SPATA13: variants seen among roughly 807,000 people sequenced by gnomAD.
SPATA13 encodes the protein spermatogenesis-associated protein 13.
In SPATA13, 50 loss-of-function variants were observed where a neutral mutation model predicts 104.0. The observed-to-expected ratio is 0.48, with a 90% CI of 0.38 to 0.61. The LOEUF is 0.61. Ranked by LOEUF, SPATA13 falls within the 20% of genes least tolerant of loss-of-function variation. The pLI is 0.00. For missense variants in SPATA13, 1,524 were observed against 1,690.6 expected, an observed-to-expected ratio of 0.90 and a Z score of 1.73; for synonymous variants, 606 against 667.5, an observed-to-expected ratio of 0.91 and a Z score of 1.42.
intron 1 of SPATA13, among the ~76,000 whole-genome samples, chr13:24,209,625 G>C (rs767338953): frequency 6.6e-6 from 1 of 152,162 alleles, no homozygotes; most frequent in East Asian, 1.9e-4. Flanking sequence ...ATAGTACTCC[G>C]TTGTGTGTGT....
At chr13:24,221,163 T>TCCCCACA (rs1871565376) in intron 1 of SPATA13, among the ~76,000 whole-genome samples, 3 of 152,272 alleles carry the variant, frequency 2.0e-5, no homozygotes, top group Admixed American at 1.3e-4. Flanking sequence ...GAGAAGAGTG[T>TCCCCACA]GGGCTTTGTG....
chr13:24,147,107 G>T (rs1881957483), intron 3 of SPATA13, among the ~76,000 whole-genome samples: 1 of 152,024 alleles, frequency 6.6e-6, no homozygotes, highest in African/African-American at 2.4e-5. Flanking sequence ...ATATCTGATT[G>T]TTCAGATAAT....
chr13:24,050,411 T>C (rs533060071), intron 3 of SPATA13, among the ~76,000 whole-genome samples: 1 of 152,262 alleles, frequency 6.6e-6, no homozygotes, highest in Non-Finnish European at 1.5e-5. Context: ...ATCCTTGTTA[T>C]AAGAGGAGAG....
chr13:24,191,299 C>T (rs2138550828), intron 1 of SPATA13, among the ~76,000 whole-genome samples: 1 of 152,026 alleles, frequency 6.6e-6, no homozygotes, highest in East Asian at 1.9e-4. Flanking sequence ...AATGTATGTA[C>T]ATTTTTTTCA....
intron 3 of SPATA13, among the ~76,000 whole-genome samples, chr13:24,120,630 GT>G (rs1881003957): frequency 6.6e-6 from 1 of 152,182 alleles, no homozygotes; most frequent in Non-Finnish European, 1.5e-5. Flanking sequence ...GTATTATCCA[GT>G]TCCTGGGTTC....
intron 2 of SPATA13, among the ~76,000 whole-genome samples, chr13:24,009,052 G>T (rs1393740329): frequency 6.6e-6 from 1 of 152,150 alleles, no homozygotes; most frequent in Non-Finnish European, 1.5e-5. Flanking sequence ...CATCACGTGG[G>T]GTAGGTCTCT....
chr13:24,224,769 C>T, intron 2 of SPATA13, 187 bp downstream of exon 2: 1 of 682,106 alleles, frequency 1.5e-6, no homozygotes, highest in East Asian at 2.8e-5. Context: ...TAATCTCTAT[C>T]TCCTTTGAAA....
intron 3 of SPATA13, among the ~76,000 whole-genome samples, chr13:24,154,547 G>A (rs1242033757): frequency 6.6e-6 from 1 of 152,132 alleles, no homozygotes; most frequent in Non-Finnish European, 1.5e-5. Context: ...GGCACATAAG[G>A]GAGTCTTTTG....
At position 24,249,720 on chromosome 13, in the gene SPATA13, G is replaced by T. The variant is rs1211751374; in HGVS notation, c.1897G>T (p.Asp633Tyr). The T allele has an allele frequency of 1.2e-6, 2 of 1,613,746 alleles. No homozygotes were observed. The highest frequency in any genetic ancestry group is 1.7e-6 in the Non-Finnish European group (2 of 1,179,920). The change falls in exon 3 of 13, where the codon GAC becomes TAC. Residue 633 changes from aspartate (D) to tyrosine (Y), a missense_variant. Physicochemically the swap from Asp to Tyr is radical, Grantham distance 160. Around this residue, in one of 2 missense-constraint regions of SPATA13, gnomAD observed 1,089 missense variants for 1,135.9 expected, o/e 0.96. Transcript: ENST00000382108. ...AAGCATGACTTCTGCCAGCCCTGAA[G>T]ACCAGAATGCTCCAGTGGGCTGCCC... is the stretch of plus-strand genomic sequence containing the variant. ...QASMTSASPE[D>Y]QNAPVGCPKG... is the part of the protein sequence containing the mutation.
At chr13:24,046,149 C>A (rs1878134736) in intron 3 of SPATA13, among the ~76,000 whole-genome samples, 1 of 151,976 alleles carries the variant, frequency 6.6e-6, no homozygotes, top group Admixed American at 6.6e-5. Flanking sequence ...AAGTGTGTAG[C>A]CGCCTGGATT....
chr13:24,142,113 T>G (rs1248028028), intron 3 of SPATA13, among the ~76,000 whole-genome samples: 2 of 149,420 alleles, frequency 1.3e-5, no homozygotes, highest in African/African-American at 4.9e-5. Context: ...GGGAAAGGTT[T>G]TTTTTTTTTA....
chr13:24,106,725 G>A (rs1182417807), intron 3 of SPATA13, among the ~76,000 whole-genome samples: 1 of 152,186 alleles, frequency 6.6e-6, no homozygotes, highest in Non-Finnish European at 1.5e-5. Context: ...CAAGGTGAGG[G>A]CCATGTGCAC....
At chr13:24,234,191 A>G (rs549270937) in intron 2 of SPATA13, among the ~76,000 whole-genome samples, 6 of 152,324 alleles carry the variant, frequency 3.9e-5, no homozygotes, top group African/African-American at 1.4e-4. Context: ...TATTAATGCT[A>G]TGCATGTTAA....
intron 1 of SPATA13, among the ~76,000 whole-genome samples, chr13:23,982,066 T>A (rs1264490231): frequency 6.6e-6 from 1 of 152,254 alleles, no homozygotes; most frequent in Non-Finnish European, 1.5e-5. Context: ...CATGTAAAGA[T>A]GTGTGTGTTT....
chr13:24,197,345 A>C (rs1870115745), intron 1 of SPATA13, among the ~76,000 whole-genome samples: 1 of 152,248 alleles, frequency 6.6e-6, no homozygotes. Flanking sequence ...GAATAAGTGT[A>C]TCAAAGTACA....
intron 3 of SPATA13, among the ~76,000 whole-genome samples, chr13:24,098,825 G>A (rs61945480): frequency 0.058 from 8,794 of 151,638 alleles, 259 homozygotes; most frequent in Middle Eastern, 0.066. Context: ...TACTTGGGAG[G>A]CTGAGGCAGG....
chr13:24,173,339 G>T (rs560146468), intron 1 of SPATA13, among the ~76,000 whole-genome samples: 91 of 149,708 alleles, frequency 6.1e-4, no homozygotes, highest in Admixed American at 2.2e-3. Flanking sequence ...GCAACCTTGT[G>T]GAACTCACTC....
chr13:24,036,013 CA>C (rs56837096), intron 3 of SPATA13, among the ~76,000 whole-genome samples: 12,604 of 112,070 alleles, frequency 0.11, 599 homozygotes, highest in African/African-American at 0.2. Context: ...GACCCTGTCT[CA>C]AAAAAAAAAA....
At chr13:24,085,053 G>T (rs1272401304) in intron 3 of SPATA13, among the ~76,000 whole-genome samples, 1 of 151,990 alleles carries the variant, frequency 6.6e-6, no homozygotes, top group African/African-American at 2.4e-5. Flanking sequence ...TTCTGGGTTG[G>T]GGAGGCGGTG....
Sources: allele counts gnomAD v4.1 joint callset (sites outside exome capture counted in the v4.1 genomes callset), GRCh38; gene constraint gnomAD v4.1.1; regional missense constraint gnomAD v4.1.1; transcripts MANE v1.5; gene names NCBI Gene and HGNC (gene_info 2026-07-23, HGNC 2026-07-21).